Variants in MTUS2 observed in about 807,000 individuals in gnomAD.
MTUS2 encodes microtubule-associated tumor suppressor candidate 2.
Under a neutral mutation model 114.1 loss-of-function variants are expected in MTUS2, and 40 were observed. That is an observed-to-expected ratio of 0.35 (90% confidence interval 0.27 to 0.46). The LOEUF is 0.46. Ranked by LOEUF, MTUS2 falls within the 20% of genes least tolerant of loss-of-function variation. MTUS2 has a pLI of 1.00. For missense variants in MTUS2, 1,679 were observed against 1,705.4 expected, an observed-to-expected ratio of 0.98 and a Z score of 0.27; for synonymous variants, 688 against 672.0, an observed-to-expected ratio of 1.02 and a Z score of -0.37.
At chr13:29,299,924 C>A (rs920024560) in intron 6 of MTUS2, among the ~76,000 whole-genome samples, 1 of 151,862 alleles carries the variant, frequency 6.6e-6, no homozygotes, top group South Asian at 2.1e-4. Flanking sequence ...TTTTACTGGG[C>A]AGTCCAGTAA....
chr13:29,129,122 T>C (rs894847576), intron 5 of MTUS2, among the ~76,000 whole-genome samples: 3 of 152,088 alleles, frequency 2.0e-5, no homozygotes, highest in Non-Finnish European at 4.4e-5. Flanking sequence ...CTCTGGTTTA[T>C]AAATATTTAG....
At chr13:28,863,243 C>T (rs796626310) in intron 2 of MTUS2, among the ~76,000 whole-genome samples, 135 of 152,304 alleles carry the variant, frequency 8.9e-4, no homozygotes, top group African/African-American at 3.1e-3. Context: ...CAGTTGGCTT[C>T]CAGGGCTCTC....
At chr13:28,929,369 C>T (rs1881492322) in intron 2 of MTUS2, among the ~76,000 whole-genome samples, 1 of 152,078 alleles carries the variant, frequency 6.6e-6, no homozygotes. Flanking sequence ...TGGTAGAGAT[C>T]CCAATGACAC....
chr13:29,277,323 T>C (rs2992400), intron 5 of MTUS2, among the ~76,000 whole-genome samples: 2,436 of 152,342 alleles, frequency 0.016, 74 homozygotes, highest in African/African-American at 0.056. Context: ...CTTTCAGTTA[T>C]GTTGCAGTCG....
chr13:28,979,877 C>T (rs902630783), intron 2 of MTUS2, among the ~76,000 whole-genome samples: 2 of 152,018 alleles, frequency 1.3e-5, no homozygotes, highest in East Asian at 1.9e-4. Context: ...TTGGAGCAAC[C>T]TTTTTTGGGG....
Position 29,034,129 on chromosome 13 carries a change from A to G in MTUS2, c.2446+4A>G, listed in dbSNP as rs367797740. On this transcript the variant is annotated splice_donor_region_variant and intron_variant, in intron 4 of 15. Coordinates refer to ENST00000612955, the MANE Select transcript of MTUS2 (RefSeq NM_001033602.4). ...CTCTACAGTTCCGATCCTTCAGGTA[A>G]CCGATCCAACAGTTTCTGCCTTTTC... 4.3e-6 allele frequency: 7 copies of G among 1,613,738 alleles called. No homozygotes were observed. Among genetic ancestry groups the G allele is most frequent in the Non-Finnish European group, 5.9e-6 (7 of 1,179,762 alleles).
chr13:29,261,896 T>A (rs1897485838), intron 5 of MTUS2, among the ~76,000 whole-genome samples: 1 of 140,810 alleles, frequency 7.1e-6, no homozygotes. Flanking sequence ...CTAATTGATA[T>A]AAAAGAGGAA....
intron 4 of MTUS2, among the ~76,000 whole-genome samples, chr13:29,037,098 A>G (rs1215328715): frequency 1.3e-5 from 2 of 152,178 alleles, no homozygotes; most frequent in Non-Finnish European, 2.9e-5. Flanking sequence ...GAGTTTCTTA[A>G]TAGTGTTGAT....
chr13:29,195,456 C>A (rs1237548022), intron 5 of MTUS2, among the ~76,000 whole-genome samples: 1 of 142,480 alleles, frequency 7.0e-6, no homozygotes, highest in East Asian at 2.1e-4. Flanking sequence ...TTTTTGTAGA[C>A]TAGTTTGAAA....
intron 4 of MTUS2, among the ~76,000 whole-genome samples, chr13:29,077,414 A>T (rs192378201): frequency 6.6e-6 from 1 of 152,348 alleles, no homozygotes. Flanking sequence ...AAATGAGCCC[A>T]AACAATATAT....
chr13:29,056,822 C>T (rs974196440), intron 4 of MTUS2, among the ~76,000 whole-genome samples: 3 of 151,972 alleles, frequency 2.0e-5, no homozygotes, highest in Non-Finnish European at 4.4e-5. Flanking sequence ...CAGTTCACCT[C>T]GGATTTTGGT....
intron 8 of MTUS2, among the ~76,000 whole-genome samples, chr13:29,431,269 G>T (rs976298563): frequency 2.0e-5 from 3 of 152,130 alleles, no homozygotes; most frequent in African/African-American, 7.2e-5. Flanking sequence ...TGAACAAATT[G>T]TTTAAAAGTT....
chr13:29,324,690 A>G lies in MTUS2; in HGVS notation c.2884A>G (p.Thr962Ala), dbSNP rs756508303. Residue 962 changes from threonine to alanine, a missense_variant, in exon 7 of 16, where the codon ACC (threonine) becomes GCC (alanine). Transcript: ENST00000612955. ...ATCTCCTAAGAGAGTAGCAGCTTCAACCACCAAGCTTCATTCACCAGGTAT... is the reference window on the plus strand; with the variant it reads ...ATCTCCTAAGAGAGTAGCAGCTTCAGCCACCAAGCTTCATTCACCAGGTAT... ...VSSPKRVAAS[T>A]TKLHSPGYPK... is the part of the protein sequence containing the mutation. 8.1e-6 allele frequency: 13 copies of G among 1,599,116 alleles called. No homozygotes were observed. Among genetic ancestry groups the G allele is most frequent in the African/African-American group, 5.3e-5 (4 of 74,804 alleles).
intron 2 of MTUS2, among the ~76,000 whole-genome samples, chr13:28,961,602 A>C (rs745498375): frequency 1.9e-4 from 29 of 152,158 alleles, no homozygotes; most frequent in Middle Eastern, 3.2e-3. Context: ...TTATTGATAA[A>C]TTGGGATTAA....
chr13:29,389,191 C>G (rs957706934), intron 8 of MTUS2, among the ~76,000 whole-genome samples: 2 of 133,486 alleles, frequency 1.5e-5, no homozygotes, highest in South Asian at 4.7e-4. Flanking sequence ...ATCTATATAT[C>G]TATATAGATA....
At chr13:29,078,499 G>T (rs2475523) in intron 4 of MTUS2, among the ~76,000 whole-genome samples, 1 of 151,966 alleles carries the variant, frequency 6.6e-6, no homozygotes, top group East Asian at 1.9e-4. Context: ...GATATAATTC[G>T]TGTACTATAT....
At chr13:28,949,342 G>T (rs566829342) in intron 2 of MTUS2, among the ~76,000 whole-genome samples, 175 of 152,236 alleles carry the variant, frequency 1.1e-3, no homozygotes, top group African/African-American at 3.9e-3. Context: ...ATGCTTTTGG[G>T]TTTGCTTACT....
chr13:29,237,544 G>A (rs1896578961), intron 5 of MTUS2, among the ~76,000 whole-genome samples: 2 of 152,138 alleles, frequency 1.3e-5, no homozygotes, highest in Admixed American at 1.3e-4. Context: ...AGCTCCCTGT[G>A]ATCTGTTATC....
chr13:29,319,022 C>T (rs1900140277), intron 6 of MTUS2, among the ~76,000 whole-genome samples: 1 of 152,124 alleles, frequency 6.6e-6, no homozygotes, highest in African/African-American at 2.4e-5. Flanking sequence ...GGCAAAAGCC[C>T]CAGTGCTCTG....
Sources: allele counts gnomAD v4.1 joint callset (sites outside exome capture counted in the v4.1 genomes callset), GRCh38; gene constraint gnomAD v4.1.1; transcripts MANE v1.5; gene names NCBI Gene and HGNC (gene_info 2026-07-23, HGNC 2026-07-21).